The following MED12L variants were observed in gnomAD, a reference collection of about 807,000 sequenced individuals.
MED12L encodes the protein mediator complex subunit 12L.
MED12L carries 60 observed loss-of-function variants against 281.3 expected under a neutral mutation model. The ratio of observed to expected loss-of-function variants is 0.21; its 90% CI spans 0.17 to 0.26. The LOEUF is 0.26. Ranked by LOEUF, MED12L falls within the 10% of genes least tolerant of loss-of-function variation. MED12L has a pLI of 1.00. For missense variants in MED12L, 2,146 were observed against 2,680.9 expected, an observed-to-expected ratio of 0.80 and a Z score of 4.41; for synonymous variants, 974 against 987.2, an observed-to-expected ratio of 0.99 and a Z score of 0.25.
At chr3:151,293,649 A>C (rs1744610607) in intron 16 of MED12L, among the ~76,000 whole-genome samples, 2 of 99,962 alleles carry the variant, frequency 2.0e-5, no homozygotes, top group African/African-American at 3.3e-5. Context: ...ACACACACAC[A>C]CACACACACA....
rs537676150 is a variant in MED12L at position 151,156,243 on chromosome 3, C to T, written c.639C>T (p.Gly213=). 9.0e-5 allele frequency: 145 copies of T among 1,613,428 alleles called. No homozygotes were observed. Among genetic ancestry groups the T allele is most frequent in the Admixed American group, 1.7e-4 (10 of 59,896 alleles). The change falls in exon 6 of 45, where the codon GGC becomes GGT. Residue 213 remains glycine (G), a synonymous_variant. Transcript: ENST00000687756. Reference sequence around the variant, plus strand: ...TTTACCACATGGCCTCCAGCACGGGCGATGGCCCTGTCCCTGTGCCACCAG... The same window carrying T: ...TTTACCACATGGCCTCCAGCACGGGTGATGGCCCTGTCCCTGTGCCACCAG... ...SDFYHMASST[G]DGPVPVPPEV... is the part of the protein sequence containing the mutation.
chr3:151,256,978 T>G (rs913480347), intron 16 of MED12L, among the ~76,000 whole-genome samples: 7 of 152,180 alleles, frequency 4.6e-5, no homozygotes, highest in African/African-American at 1.7e-4. Flanking sequence ...TATGTATGAT[T>G]TGCCAGGAGT....
intron 16 of MED12L, chr3:151,198,506 G>A: frequency 6.2e-7 from 1 of 1,613,686 alleles, no homozygotes; most frequent in Non-Finnish European, 8.5e-7. Flanking sequence ...AGTGACCTTT[G>A]AGCGGAATGC....
intron 16 of MED12L, chr3:151,328,191 A>G (rs1749882480): frequency 6.2e-7 from 1 of 1,613,016 alleles, no homozygotes; most frequent in African/African-American, 1.3e-5. Context: ...TGCAGTCTAC[A>G]GTCAGTCTTA....
intron 26 of MED12L, among the ~76,000 whole-genome samples, chr3:151,371,648 G>C (rs1039119081): frequency 1.3e-5 from 2 of 152,090 alleles, no homozygotes; most frequent in African/African-American, 4.8e-5. Flanking sequence ...TTGCCCACTT[G>C]CTGCAAGCAG....
At chr3:151,276,837 C>T (rs1741947285) in intron 16 of MED12L, among the ~76,000 whole-genome samples, 1 of 152,068 alleles carries the variant, frequency 6.6e-6, no homozygotes, top group Non-Finnish European at 1.5e-5. Context: ...GGCCCACTTC[C>T]CCTGTGTCTT....
At chr3:151,164,691 C>T (rs543497688) in intron 9 of MED12L, among the ~76,000 whole-genome samples, 1 of 152,222 alleles carries the variant, frequency 6.6e-6, no homozygotes, top group Non-Finnish European at 1.5e-5. Flanking sequence ...GAGTTCATGT[C>T]CTTTGTAGGG....
At chr3:151,326,272 C>T (rs1194425170) in intron 16 of MED12L, 9 of 152,526 alleles carry the variant, frequency 5.9e-5, no homozygotes, top group African/African-American at 2.2e-4. Context: ...GAATTGGCTT[C>T]CCTTTTGCTT....
intron 16 of MED12L, among the ~76,000 whole-genome samples, chr3:151,273,776 T>C (rs1741407282): frequency 6.6e-6 from 1 of 152,220 alleles, no homozygotes. Context: ...GGTTGTCTTC[T>C]TTAGAACAAG....
intron 16 of MED12L, among the ~76,000 whole-genome samples, chr3:151,348,733 G>C (rs1226052397): frequency 1.3e-5 from 2 of 152,186 alleles, no homozygotes; most frequent in Non-Finnish European, 2.9e-5. Context: ...GTGTGTCCCT[G>C]AGAAAGACAG....
chr3:151,188,947 C>CT (rs3069359), intron 13 of MED12L, among the ~76,000 whole-genome samples: 4,323 of 151,934 alleles, frequency 0.028, 71 homozygotes, highest in South Asian at 0.063. Context: ...ATCTCAAGCT[C>CT]TTTTTTTTGC....
chr3:151,307,750 T>G (rs1048484300), intron 16 of MED12L, among the ~76,000 whole-genome samples: 2 of 152,104 alleles, frequency 1.3e-5, no homozygotes, highest in African/African-American at 4.8e-5. Flanking sequence ...ACACAGATGG[T>G]GAGAGGCAAA....
intron 39 of MED12L, among the ~76,000 whole-genome samples, chr3:151,401,249 A>G (rs574185320): frequency 6.6e-6 from 1 of 150,604 alleles, no homozygotes; most frequent in Admixed American, 6.6e-5. Context: ...CATTCTGTTG[A>G]TGGTCATTTA....
intron 16 of MED12L, among the ~76,000 whole-genome samples, chr3:151,275,965 T>C (rs1741783398): frequency 6.6e-6 from 1 of 152,170 alleles, no homozygotes; most frequent in Non-Finnish European, 1.5e-5. Flanking sequence ...AAATCCCAAG[T>C]AGTAGACAGC....
At chr3:151,119,314 G>C (rs58218463) in intron 3 of MED12L, among the ~76,000 whole-genome samples, 33,231 of 151,880 alleles carry the variant, frequency 0.22, 3,908 homozygotes, top group African/African-American at 0.32. Flanking sequence ...CTTCAGACTG[G>C]GTGTCTTAAA....
chr3:151,254,786 G>A (rs1003493541), intron 16 of MED12L, among the ~76,000 whole-genome samples: 3 of 152,142 alleles, frequency 2.0e-5, no homozygotes, highest in African/African-American at 2.4e-5. Flanking sequence ...ACATTTCACC[G>A]GAGAGACCTC....
intron 6 of MED12L, 146 bp from the exon 7 acceptor site, chr3:151,158,543 G>T: frequency 1.8e-6 from 1 of 543,514 alleles, no homozygotes; most frequent in Non-Finnish European, 3.2e-6. Context: ...TATTTGTTTT[G>T]TTTAGAATTT....
intron 2 of MED12L, among the ~76,000 whole-genome samples, chr3:151,115,333 T>C (rs1712575242): frequency 3.8e-5 from 1 of 26,486 alleles, no homozygotes; most frequent in Non-Finnish European, 6.0e-5. Flanking sequence ...AATTCTTTTT[T>C]TTTTTTTTTT....
At chr3:151,366,669 C>T (rs3975404) in intron 23 of MED12L, among the ~76,000 whole-genome samples, 134,000 of 152,154 alleles carry the variant, frequency 0.88, 59,136 homozygotes, top group Middle Eastern at 0.95. Flanking sequence ...CTTTATACAT[C>T]TTTACACCTG....
Sources: gnomAD v4.1 joint callset for allele counts (sites outside exome capture counted in the v4.1 genomes callset) on GRCh38, gnomAD v4.1.1 for gene constraint, MANE v1.5 for transcripts, NCBI Gene and HGNC (gene_info 2026-07-23, HGNC 2026-07-21) for gene names.